The following KLHL3 variants were observed in gnomAD, a reference collection of about 807,000 sequenced individuals.
KLHL3 encodes the protein kelch-like protein 3.
Under a neutral mutation model 70.5 loss-of-function variants are expected in KLHL3, and 19 were observed. That is an observed-to-expected ratio of 0.27 (90% CI 0.19 to 0.40). The LOEUF (loss-of-function observed/expected upper bound fraction) is 0.40. KLHL3 is among the 10% of genes least tolerant of loss of function. The probability of loss-of-function intolerance (pLI) is 1.00; values close to 1 mark genes in which losing one functional copy is unlikely to be tolerated. For missense variants in KLHL3, 512 were observed against 771.1 expected (o/e 0.66, Z 3.98); for synonymous variants, 258 against 290.3 (o/e 0.89, Z 1.13).
At chr5:137,640,097 A>G (rs1750875006) in intron 8 of KLHL3, 120 bp from the exon 9 acceptor site, 1 of 793,292 alleles carries the variant, frequency 1.3e-6, no homozygotes, top group Non-Finnish European at 2.2e-6. Flanking sequence ...GCCAGTTTAC[A>G]GAGCTACATA....
chr5:137,670,564 C>T lies in KLHL3; in HGVS notation c.636+6981G>A, dbSNP rs976123248. Among the ~76,000 whole-genome samples the T allele has an allele frequency of 3.3e-5, 5 of 151,736 alleles. 1 individual carries two copies. Among genetic ancestry groups the T allele is most frequent in the African/African-American group, 7.3e-5 (3 of 41,268 alleles). ...ATATCCCTTAAAGGTTCACAAAGCT[C>T]ATTACCATATAAAAGCTCTGACAAC... is the stretch of plus-strand genomic sequence containing the variant. On this transcript the variant is annotated intron_variant, in intron 6 of 14. Transcript: ENST00000309755.
chr5:137,661,875 G>T, intron 7 of KLHL3, 40 bp downstream of exon 7: 1 of 1,125,122 alleles, frequency 8.9e-7, no homozygotes, highest in Non-Finnish European at 1.4e-6. Context: ...TACAGGTCTG[G>T]GTGAACACAG....
chr5:137,651,228 A>G (rs922286613), intron 8 of KLHL3, among the ~76,000 whole-genome samples: 2 of 152,248 alleles, frequency 1.3e-5, no homozygotes, highest in African/African-American at 2.4e-5. Flanking sequence ...GCCTGCTGCC[A>G]TGGAACCTAC....
chr5:137,681,251 T>C (rs1448300207), intron 5 of KLHL3, among the ~76,000 whole-genome samples: 7 of 152,166 alleles, frequency 4.6e-5, no homozygotes, highest in East Asian at 1.9e-4. Flanking sequence ...ACTGAGTCCA[T>C]TGCAGGTGCT....
At chr5:137,666,392 C>T (rs750663424) in intron 6 of KLHL3, among the ~76,000 whole-genome samples, 1 of 152,140 alleles carries the variant, frequency 6.6e-6, no homozygotes, top group Non-Finnish European at 1.5e-5. Flanking sequence ...AGACTGTGAG[C>T]CTATGCAGAG....
At chr5:137,713,150 C>T (rs1272536488) in intron 2 of KLHL3, among the ~76,000 whole-genome samples, 1 of 88,252 alleles carries the variant, frequency 1.1e-5, no homozygotes, top group Non-Finnish European at 2.2e-5. Context: ...GAGGAATAAC[C>T]AGCAAAAAAA....
At chr5:137,685,817 G>A (rs940325162) in intron 5 of KLHL3, among the ~76,000 whole-genome samples, 1 of 152,152 alleles carries the variant, frequency 6.6e-6, no homozygotes, top group Non-Finnish European at 1.5e-5. Context: ...ACCTGCTACT[G>A]TACCTGGCTA....
At chr5:137,677,325 A>G in intron 6 of KLHL3, 1 of 373,612 alleles carries the variant, frequency 2.7e-6, no homozygotes, top group South Asian at 6.9e-5. Flanking sequence ...GCGGGTGCCT[A>G]TAATCCCAGC....
At chr5:137,693,666 T>C (rs1341981020) in intron 4 of KLHL3, among the ~76,000 whole-genome samples, 3 of 152,206 alleles carry the variant, frequency 2.0e-5, no homozygotes, top group African/African-American at 7.2e-5. Context: ...GCTGCTTATC[T>C]TGGGGACCCT....
chr5:137,643,196 CA>C (rs747721853), intron 8 of KLHL3, among the ~76,000 whole-genome samples: 4 of 151,646 alleles, frequency 2.6e-5, no homozygotes, highest in Admixed American at 6.6e-5. Flanking sequence ...ACAAAAAATA[CA>C]AAAAACTAGC....
At chr5:137,681,993 GATA>G (rs1752037604) in intron 5 of KLHL3, among the ~76,000 whole-genome samples, 1 of 152,100 alleles carries the variant, frequency 6.6e-6, no homozygotes. Context: ...ATGTTAAAAG[GATA>G]ATAAAATTTG....
intron 6 of KLHL3, among the ~76,000 whole-genome samples, chr5:137,669,523 G>A (rs555636189): frequency 1.3e-5 from 2 of 152,284 alleles, no homozygotes; most frequent in South Asian, 4.1e-4. Context: ...CCTGGAAATT[G>A]TTCTTCAGCT....
intron 13 of KLHL3, chr5:137,628,068 C>A (rs2349008): frequency 5.5e-6 from 3 of 548,060 alleles, no homozygotes; most frequent in Admixed American, 3.2e-5. Flanking sequence ...CCCTTCACTG[C>A]GGGGAAAGGG....
chr5:137,721,884 GT>G (rs1199268529), intron 1 of KLHL3, among the ~76,000 whole-genome samples: 1 of 152,234 alleles, frequency 6.6e-6, no homozygotes, highest in East Asian at 1.9e-4. Context: ...TTTATGGAAG[GT>G]GGAAATAAGG....
intron 12 of KLHL3, chr5:137,629,983 C>G (rs1305045693): frequency 3.3e-5 from 5 of 152,212 alleles, no homozygotes; most frequent in Non-Finnish European, 5.9e-5. Context: ...CATAAACATT[C>G]ATGCAGCCGT....
At chr5:137,637,197 A>G (rs1284760526) in intron 11 of KLHL3, 97 bp downstream of exon 11, 3 of 988,492 alleles carry the variant, frequency 3.0e-6, no homozygotes, top group East Asian at 2.5e-5. Flanking sequence ...TCTCAGGAAA[A>G]AAAACACGGT....
intron 8 of KLHL3, among the ~76,000 whole-genome samples, chr5:137,656,271 A>G (rs533623832): frequency 6.6e-6 from 1 of 152,292 alleles, no homozygotes; most frequent in African/African-American, 2.4e-5. Flanking sequence ...ATATGCACAT[A>G]ATAGTGCATA....
chr5:137,720,612 A>G (rs940097641), intron 1 of KLHL3, 28 bp from the exon 2 acceptor site: 1 of 1,612,744 alleles, frequency 6.2e-7, no homozygotes, highest in Admixed American at 1.7e-5. Context: ...GAGGGAGGGA[A>G]AGAGAATCAC....
Position 137,638,990 on chromosome 5 carries a change from G to C in KLHL3, c.1182C>G (p.Asp394Glu). 1 of 1,614,240 alleles carries C rather than the reference G, an allele frequency of 6.2e-7. No homozygotes were observed. ...CAAAGCCTCCCACTGCGTAGAGCAA[G>C]TCATTGAGCACCGCTGCGCCCAGTG... ...RSTLGAAVLN[D>E]LLYAVGGFDG... is the part of the protein sequence containing the mutation. Residue 394 changes from aspartate to glutamate, a missense_variant, in exon 10 of 15, where the codon GAC becomes GAG. By Grantham distance (45) the Asp-to-Glu change is conservative. Coordinates refer to ENST00000309755, the MANE Select transcript of KLHL3 (RefSeq NM_017415.3).
Sources: gnomAD v4.1 joint callset for allele counts (sites outside exome capture counted in the v4.1 genomes callset) on GRCh38, gnomAD v4.1.1 for gene constraint, MANE v1.5 for transcripts, NCBI Gene and HGNC (gene_info 2026-07-23, HGNC 2026-07-21) for gene names.